PTPRM: variants seen among roughly 807,000 people sequenced by gnomAD.
PTPRM encodes the protein receptor-type tyrosine-protein phosphatase mu.
PTPRM carries 47 observed loss-of-function variants against 186.7 expected under a neutral mutation model. The observed-to-expected ratio is 0.25, with a 90% CI of 0.20 to 0.32. The LOEUF (loss-of-function observed/expected upper bound fraction) is 0.32. Ranked by LOEUF, PTPRM falls within the 10% of genes least tolerant of loss-of-function variation. The pLI, the probability that PTPRM is intolerant of heterozygous loss-of-function variation, is 1.00. For missense variants in PTPRM, 1,494 were observed against 1,865.0 expected, an observed-to-expected ratio of 0.80 and a Z score of 3.66; for synonymous variants, 668 against 674.9, an observed-to-expected ratio of 0.99 and a Z score of 0.16.
chr18:7,878,577 T>A (rs977181589), intron 2 of PTPRM, among the ~76,000 whole-genome samples: 6 of 152,212 alleles, frequency 3.9e-5, no homozygotes, highest in Non-Finnish European at 5.9e-5. Context: ...CACTAGCAAG[T>A]GTTTGAATGT....
intron 15 of PTPRM, among the ~76,000 whole-genome samples, chr18:8,244,860 C>T (rs962270004): frequency 3.3e-5 from 5 of 152,022 alleles, no homozygotes; most frequent in Non-Finnish European, 5.9e-5. Flanking sequence ...ATCTCGGAGA[C>T]CAGAGGGAGA....
chr18:7,923,508 G>A (rs1349194515), intron 4 of PTPRM, among the ~76,000 whole-genome samples: 1 of 152,160 alleles, frequency 6.6e-6, no homozygotes, highest in African/African-American at 2.4e-5. Flanking sequence ...ACTGACAAGA[G>A]ACAGATTAAT....
At chr18:8,348,286 C>G (rs1015215272) in intron 23 of PTPRM, among the ~76,000 whole-genome samples, 10 of 152,258 alleles carry the variant, frequency 6.6e-5, no homozygotes, top group African/African-American at 2.4e-4. Context: ...AAGCGCTCTG[C>G]ATTAGGCGGC....
chr18:8,078,298 A>G (rs1034949722), intron 9 of PTPRM, among the ~76,000 whole-genome samples: 2 of 152,174 alleles, frequency 1.3e-5, no homozygotes, highest in Admixed American at 6.5e-5. Context: ...AGAGTTTACA[A>G]CAGGCACATA....
At chr18:8,086,404 T>C (rs2090438079) in intron 10 of PTPRM, among the ~76,000 whole-genome samples, 1 of 152,136 alleles carries the variant, frequency 6.6e-6, no homozygotes, top group Non-Finnish European at 1.5e-5. Context: ...AAAGACGTAA[T>C]TTGAGAAATA....
At chr18:8,245,562 G>T (rs990085336) in intron 15 of PTPRM, among the ~76,000 whole-genome samples, 1 of 152,048 alleles carries the variant, frequency 6.6e-6, no homozygotes, top group African/African-American at 2.4e-5. Flanking sequence ...TTAAAAATAT[G>T]TATGTATAAT....
intron 14 of PTPRM, among the ~76,000 whole-genome samples, chr18:8,199,620 C>G (rs1267612804): frequency 6.6e-6 from 1 of 152,158 alleles, no homozygotes; most frequent in African/African-American, 2.4e-5. Context: ...CAGGAAGATT[C>G]ATTTATTATT....
Position 8,206,861 on chromosome 18 carries a change from G to A in PTPRM, c.2301-37197G>A, listed in dbSNP as rs1484564553. Among the ~76,000 whole-genome samples the A allele has an allele frequency of 6.6e-5, 10 of 152,186 alleles. 1 individual carries two copies. In the South Asian group the frequency reaches 1.9e-3, roughly 28 times the overall value. On this transcript the variant is annotated intron_variant, in intron 14 of 32. Coordinates refer to ENST00000580170, the MANE Select transcript of PTPRM (RefSeq NM_001105244.2). ...TTCAAAAAAAAGGGGTTGGCGGGGT[G>A]GAAATTGAGACACAGGGAGAGAATG...
chr18:8,294,276 C>A (rs558481538), intron 19 of PTPRM, among the ~76,000 whole-genome samples: 1 of 152,142 alleles, frequency 6.6e-6, no homozygotes, highest in East Asian at 1.9e-4. Context: ...AAAAGAAATA[C>A]CCAAAACCAG....
chr18:8,050,934 G>A (rs1291699934), intron 7 of PTPRM, among the ~76,000 whole-genome samples: 1 of 152,040 alleles, frequency 6.6e-6, no homozygotes, highest in Non-Finnish European at 1.5e-5. Context: ...GAGGGGAGGG[G>A]GAGCAACAAC....
intron 4 of PTPRM, among the ~76,000 whole-genome samples, chr18:7,906,868 G>C (rs2050011184): frequency 6.6e-6 from 1 of 152,190 alleles, no homozygotes; most frequent in African/African-American, 2.4e-5. Context: ...TGTTGCCGTG[G>C]TCTTTAGAAT....
intron 1 of PTPRM, among the ~76,000 whole-genome samples, chr18:7,661,263 G>A (rs943911807): frequency 6.6e-6 from 1 of 152,186 alleles, no homozygotes; most frequent in African/African-American, 2.4e-5. Context: ...GCACTGATGT[G>A]ACTTTTAGAA....
In PTPRM at chr18:8,172,283, T is replaced by A. The variant is rs75962147; in HGVS notation, c.2300+28504T>A. Among the ~76,000 whole-genome samples the A allele has an allele frequency of 3.1e-4, 47 of 150,694 alleles. No homozygotes were observed. In the East Asian group the frequency reaches 7.8e-3, roughly 25 times the overall value. On this transcript the variant is annotated intron_variant, in intron 14 of 32. Coordinates refer to ENST00000580170, the MANE Select transcript of PTPRM (RefSeq NM_001105244.2). Reference sequence around the variant, plus strand: ...TCTTGACCTTTTTTTTTTTTTTTTTTTATAACTTTACAGACTTACCTATTC... The same window carrying A: ...TCTTGACCTTTTTTTTTTTTTTTTTATATAACTTTACAGACTTACCTATTC...
chr18:7,739,486 T>A (rs941940564), intron 1 of PTPRM, among the ~76,000 whole-genome samples: 1 of 152,238 alleles, frequency 6.6e-6, no homozygotes, highest in Non-Finnish European at 1.5e-5. Flanking sequence ...ACCACATTTG[T>A]TTAAAAATGT....
chr18:8,206,268 A>ATTTATTTTTTTTTTTTTTTTTTTTT (rs2093927741), intron 14 of PTPRM, among the ~76,000 whole-genome samples: 1 of 148,988 alleles, frequency 6.7e-6, no homozygotes, highest in African/African-American at 2.6e-5. Context: ...ATTTTATTTT[A>ATTTATTTTTTTTTTTTTTTTTTTTT]TTTTGAGACG....
intron 20 of PTPRM, among the ~76,000 whole-genome samples, chr18:8,309,709 C>G (rs994247055): frequency 6.6e-6 from 1 of 151,966 alleles, no homozygotes; most frequent in African/African-American, 2.4e-5. Flanking sequence ...GAGACAAGGT[C>G]TCTAAAAATA....
At chr18:8,401,828 T>C (rs2095873717) in intron 32 of PTPRM, among the ~76,000 whole-genome samples, 1 of 152,228 alleles carries the variant, frequency 6.6e-6, no homozygotes, top group African/African-American at 2.4e-5. Flanking sequence ...CATTTTGCTT[T>C]CTCCCACTCA....
In PTPRM at chr18:8,279,608, G is replaced by T. The variant is rs370437087; in HGVS notation, c.2755-16760G>T. On this transcript the variant is annotated intron_variant, in intron 19 of 32. Coordinates refer to ENST00000580170, the MANE Select transcript of PTPRM (RefSeq NM_001105244.2). ...ATCAGCATATCACAGGTCCGTAGTCGTGAGACAGAACGTCTCCCTGCTCAC... is the reference window on the plus strand; with the variant it reads ...ATCAGCATATCACAGGTCCGTAGTCTTGAGACAGAACGTCTCCCTGCTCAC... Among the ~76,000 whole-genome samples the T allele has an allele frequency of 2.0e-5, 3 of 152,286 alleles. No individual in the cohort carries two copies. In the East Asian group the frequency reaches 5.8e-4, roughly 29 times the overall value.
At chr18:7,639,189 C>G (rs1010578954) in intron 1 of PTPRM, among the ~76,000 whole-genome samples, 2 of 152,122 alleles carry the variant, frequency 1.3e-5, no homozygotes, top group Admixed American at 1.3e-4. Context: ...ATTCTCCTGC[C>G]TCAGCCTCCC....
Sources: gnomAD v4.1 joint callset for allele counts (sites outside exome capture counted in the v4.1 genomes callset) on GRCh38, gnomAD v4.1.1 for gene constraint, MANE v1.5 for transcripts, NCBI Gene and HGNC (gene_info 2026-07-23, HGNC 2026-07-21) for gene names.